The following NR3C2 variants were observed in gnomAD, a reference collection of about 807,000 sequenced individuals.
NR3C2 encodes the protein nuclear receptor subfamily 3 group C member 2.
NR3C2 carries 15 observed loss-of-function variants against 86.4 expected under a neutral mutation model. That is an observed-to-expected ratio of 0.17 (90% CI 0.12 to 0.27). The LOEUF (loss-of-function observed/expected upper bound fraction) is 0.27, where lower values mean the gene tolerates loss of function less well. NR3C2 is among the 10% of genes least tolerant of loss of function. NR3C2 has a pLI of 1.00. For synonymous variants in NR3C2, 458 were observed against 450.5 expected (o/e 1.02, Z -0.21); for missense variants, 960 against 1,195.6 (o/e 0.80, Z 2.91).
intron 8 of NR3C2, among the ~76,000 whole-genome samples, chr4:148,099,758 A>G (rs1731450998): frequency 6.6e-6 from 1 of 152,192 alleles, no homozygotes; most frequent in Non-Finnish European, 1.5e-5. Context: ...GTGTTAGACA[A>G]TAAGATAGTT....
intron 3 of NR3C2, among the ~76,000 whole-genome samples, chr4:148,210,622 G>A (rs560442627): frequency 2.6e-5 from 4 of 152,182 alleles, no homozygotes; most frequent in Non-Finnish European, 5.9e-5. Context: ...AAAAACCTGT[G>A]GTTTGAGGCA....
intron 5 of NR3C2, 21 bp downstream of exon 5, chr4:148,154,530 T>C: frequency 6.2e-7 from 1 of 1,610,462 alleles, no homozygotes; most frequent in East Asian, 2.2e-5. Context: ...ATGCAGCCTG[T>C]GAAAGGAGAG....
At chr4:148,378,380 C>CAA (rs372658464) in intron 2 of NR3C2, among the ~76,000 whole-genome samples, 15 of 143,888 alleles carry the variant, frequency 1.0e-4, no homozygotes, top group Admixed American at 2.8e-4. Context: ...CCACCTCCAC[C>CAA]AAAAAAAAAA....
At chr4:148,314,976 AT>A (rs956183194) in intron 2 of NR3C2, among the ~76,000 whole-genome samples, 7 of 152,238 alleles carry the variant, frequency 4.6e-5, no homozygotes, top group African/African-American at 9.6e-5. Flanking sequence ...AATGACATGT[AT>A]TTTTAAAGTC....
At chr4:148,357,984 T>G (rs1745631530) in intron 2 of NR3C2, among the ~76,000 whole-genome samples, 1 of 152,188 alleles carries the variant, frequency 6.6e-6, no homozygotes, top group Non-Finnish European at 1.5e-5. Flanking sequence ...AGGACTATAT[T>G]TACTTAACTA....
chr4:148,270,417 A>G (rs949405458), intron 2 of NR3C2, among the ~76,000 whole-genome samples: 1 of 152,162 alleles, frequency 6.6e-6, no homozygotes, highest in Admixed American at 6.5e-5. Context: ...TTATTATTTC[A>G]GAAATTTACA....
chr4:148,264,529 T>C (rs2149876903), intron 2 of NR3C2, among the ~76,000 whole-genome samples: 1 of 152,270 alleles, frequency 6.6e-6, no homozygotes, highest in East Asian at 1.9e-4. Context: ...GGGCCAAACA[T>C]GCAGGGATCA....
intron 7 of NR3C2, among the ~76,000 whole-genome samples, chr4:148,115,669 A>T (rs1732243380): frequency 6.6e-6 from 1 of 152,200 alleles, no homozygotes; most frequent in Admixed American, 6.5e-5. Flanking sequence ...GATATGGATT[A>T]TCTTGCAAAT....
intron 2 of NR3C2, among the ~76,000 whole-genome samples, chr4:148,333,063 C>T (rs1472731596): frequency 4.0e-5 from 6 of 151,648 alleles, no homozygotes; most frequent in African/African-American, 9.7e-5. Flanking sequence ...CACAGAAGTT[C>T]GAGACCAGCC....
chr4:148,233,823 C>G (rs1014901390), intron 3 of NR3C2, among the ~76,000 whole-genome samples: 1 of 152,146 alleles, frequency 6.6e-6, no homozygotes, highest in Admixed American at 6.5e-5. Flanking sequence ...TCAAAGATCA[C>G]TGATCACTAT....
In NR3C2 at chr4:148,375,462, A is replaced by G. The variant is rs566020159; in HGVS notation, c.1757+59642T>C. Among the ~76,000 whole-genome samples, 652 of 146,654 alleles carry G rather than the reference A, an allele frequency of 4.4e-3. 5 individuals are homozygous for G. Among genetic ancestry groups the G allele is most frequent in the African/African-American group, 9.0e-3 (358 of 39,740 alleles). ...CAGAGCAAGACTCTATCTCAAAGAAAGAAAAAAAAAAAAACCCTGCAAAAT... is the reference window on the plus strand; with the variant it reads ...CAGAGCAAGACTCTATCTCAAAGAAGGAAAAAAAAAAAAACCCTGCAAAAT... On this transcript the variant is annotated intron_variant, in intron 2 of 8. Transcript: ENST00000358102.
In NR3C2 at chr4:148,274,988, G is replaced by A. The variant is rs113357368; in HGVS notation, c.1758-14871C>T. On this transcript the variant is annotated intron_variant, in intron 2 of 8. Transcript: ENST00000358102. ...GCTGGGATTACAGGCATGAGCCACCGCACCTGGCCTCAGGTAGTTCTTTAT... is the reference window on the plus strand; with the variant it reads ...GCTGGGATTACAGGCATGAGCCACCACACCTGGCCTCAGGTAGTTCTTTAT... Among the ~76,000 whole-genome samples, 776 of 152,072 alleles carry A rather than the reference G, an allele frequency of 5.1e-3. 7 individuals are homozygous for A. The highest frequency in any genetic ancestry group is 0.018 in the African/African-American group (732 of 41,498).
At position 148,352,373 on chromosome 4, in the gene NR3C2, C is replaced by CATCTATCTATCT. The variant is rs3045288; in HGVS notation, c.1757+82719_1757+82730dup. On this transcript the variant is annotated intron_variant, in intron 2 of 8. Coordinates refer to ENST00000358102, the MANE Select transcript of NR3C2 (RefSeq NM_000901.5). ...TCTTAACTCTACATACAACTCCTAT[C>CATCTATCTATCT]ATCTATCTATCTATCTATCTATCTA... 6.5e-3 allele frequency among the ~76,000 whole-genome samples: 944 copies of CATCTATCTATCT among 146,310 alleles called. 5 individuals carry two copies. Among genetic ancestry groups the CATCTATCTATCT allele is most frequent in the Non-Finnish European group, 8.4e-3 (558 of 66,504 alleles).
intron 2 of NR3C2, among the ~76,000 whole-genome samples, chr4:148,405,614 G>T (rs187690440): frequency 6.6e-6 from 1 of 152,192 alleles, no homozygotes; most frequent in East Asian, 1.9e-4. Flanking sequence ...TTCCAGCCAC[G>T]TTTGAGTGCT....
intron 4 of NR3C2, 98 bp downstream of exon 4, chr4:148,194,648 C>T (rs1301518028): frequency 1.3e-5 from 10 of 784,392 alleles, no homozygotes; most frequent in Non-Finnish European, 2.2e-5. Flanking sequence ...AACCTTTGCT[C>T]CCTGTTGGCT....
At chr4:148,422,100 A>T (rs1004152928) in intron 2 of NR3C2, among the ~76,000 whole-genome samples, 2 of 151,986 alleles carry the variant, frequency 1.3e-5, no homozygotes, top group African/African-American at 4.8e-5. Flanking sequence ...GAATCCATTA[A>T]TTTTTTCAGT....
At chr4:148,102,323 T>C (rs1731576044) in intron 8 of NR3C2, among the ~76,000 whole-genome samples, 1 of 152,218 alleles carries the variant, frequency 6.6e-6, no homozygotes, top group South Asian at 2.1e-4. Context: ...CTCCCACATC[T>C]GCAGCAGCAG....
rs550515444 is a variant in NR3C2, at chr4:148,397,745, C to T, written c.1757+37359G>A. On this transcript the variant is annotated intron_variant, in intron 2 of 8. Transcript: ENST00000358102. The stretch of plus-strand genomic sequence containing the variant: ...GAGAGTGAGCAGCTCATCATACATA[C>T]AGCTAGAGCTCAAAAATGGAAGCTG... Among the ~76,000 whole-genome samples, 5 of 152,322 alleles carry T rather than the reference C, an allele frequency of 3.3e-5. No homozygotes were observed. The South Asian group carries it at 1.0e-3, about 32-fold the overall frequency.
At chr4:148,295,955 A>G (rs770799490) in intron 2 of NR3C2, among the ~76,000 whole-genome samples, 4 of 151,322 alleles carry the variant, frequency 2.6e-5, no homozygotes, top group Non-Finnish European at 5.9e-5. Context: ...AATTTCATCC[A>G]GAAACATGGC....
Sources: gnomAD v4.1 joint callset for allele counts (sites outside exome capture counted in the v4.1 genomes callset) on GRCh38, gnomAD v4.1.1 for gene constraint, MANE v1.5 for transcripts, NCBI Gene and HGNC (gene_info 2026-07-23, HGNC 2026-07-21) for gene names.